TOX: variants seen among roughly 807,000 people sequenced by gnomAD.
The protein encoded by TOX is thymocyte selection associated high mobility group box.
Under a neutral mutation model 53.7 loss-of-function variants are expected in TOX, and 11 were observed. The ratio of observed to expected loss-of-function variants is 0.20; its 90% CI spans 0.13 to 0.34. The LOEUF (loss-of-function observed/expected upper bound fraction) is 0.34, where lower values mean the gene tolerates loss of function less well. TOX is among the 10% of genes least tolerant of loss of function. TOX has a pLI of 1.00. For missense variants in TOX, 570 were observed against 664.6 expected (o/e 0.86, Z 1.56); for synonymous variants, 225 against 245.3 (o/e 0.92, Z 0.77).
At chr8:59,045,118 C>G (rs1350278144) in intron 1 of TOX, among the ~76,000 whole-genome samples, 3 of 152,048 alleles carry the variant, frequency 2.0e-5, no homozygotes, top group Non-Finnish European at 4.4e-5. Flanking sequence ...TAGACTTTTT[C>G]TTCCTAGACA....
At chr8:58,933,151 T>G (rs1271987921) in intron 3 of TOX, among the ~76,000 whole-genome samples, 2 of 152,118 alleles carry the variant, frequency 1.3e-5, no homozygotes, top group Non-Finnish European at 2.9e-5. Context: ...TTCTAAAACT[T>G]TGCACGGTTT....
chr8:58,925,102 G>C (rs1283068297), intron 3 of TOX, among the ~76,000 whole-genome samples: 1 of 152,118 alleles, frequency 6.6e-6, no homozygotes, highest in Non-Finnish European at 1.5e-5. Flanking sequence ...TCACGCCACA[G>C]CTTCTATGGC....
chr8:58,956,370 C>G (rs1812707304), intron 2 of TOX, among the ~76,000 whole-genome samples: 1 of 152,094 alleles, frequency 6.6e-6, no homozygotes, highest in Non-Finnish European at 1.5e-5. Context: ...GTGGGAAGCC[C>G]AATGCCCCTC....
intron 1 of TOX, among the ~76,000 whole-genome samples, chr8:59,051,917 A>G (rs556717189): frequency 1.3e-5 from 2 of 152,320 alleles, no homozygotes; most frequent in African/African-American, 4.8e-5. Context: ...GCACATCTGA[A>G]TGATCCTAAA....
At chr8:59,080,586 A>G (rs1804389677) in intron 1 of TOX, among the ~76,000 whole-genome samples, 1 of 152,212 alleles carries the variant, frequency 6.6e-6, no homozygotes, top group African/African-American at 2.4e-5. Flanking sequence ...CCCAAATCTT[A>G]TGTTGAATTG....
intron 1 of TOX, among the ~76,000 whole-genome samples, chr8:59,105,341 T>C (rs996016750): frequency 6.6e-6 from 1 of 152,216 alleles, no homozygotes; most frequent in Non-Finnish European, 1.5e-5. Flanking sequence ...AAAAGTGAAA[T>C]GCATTCAGCT....
intron 1 of TOX, among the ~76,000 whole-genome samples, chr8:59,081,770 T>C (rs377585997): frequency 1.5e-4 from 23 of 152,102 alleles, no homozygotes; most frequent in South Asian, 4.1e-4. Context: ...GTGGATAAAA[T>C]TGAGGCAAAG....
chr8:58,818,451 G>T (rs900621992), intron 6 of TOX, among the ~76,000 whole-genome samples: 6 of 152,134 alleles, frequency 3.9e-5, no homozygotes, highest in Non-Finnish European at 8.8e-5. Flanking sequence ...CGTGGCAGGT[G>T]CTCCAATATA....
intron 1 of TOX, among the ~76,000 whole-genome samples, chr8:59,100,732 G>A (rs1804792222): frequency 6.6e-6 from 1 of 151,942 alleles, no homozygotes. Context: ...CGGATTATTT[G>A]ACTATTCTAA....
At chr8:59,107,947 C>A (rs1267962175) in intron 1 of TOX, among the ~76,000 whole-genome samples, 1 of 152,174 alleles carries the variant, frequency 6.6e-6, no homozygotes, top group African/African-American at 2.4e-5. Context: ...CTCTCCTTCC[C>A]TTTCCCCGCC....
intron 2 of TOX, among the ~76,000 whole-genome samples, chr8:58,953,565 T>C (rs1812659933): frequency 6.6e-6 from 1 of 152,174 alleles, no homozygotes; most frequent in Non-Finnish European, 1.5e-5. Flanking sequence ...AAGAGCAATT[T>C]TGTCTGTAAT....
chr8:58,998,532 TATATATAA>T (rs1163492001), intron 1 of TOX, among the ~76,000 whole-genome samples: 3 of 10,924 alleles, frequency 2.7e-4, no homozygotes, highest in Admixed American at 2.6e-3. Flanking sequence ...TATATATATA[TATATATAA>T]ATTTATATAT....
rs1390902957 is a variant in TOX, at chr8:58,806,524, C to A, written c.*1223G>T. The A allele has an allele frequency of 6.6e-6, 1 of 152,230 alleles. No individual in the cohort carries two copies. The highest frequency in any genetic ancestry group is 2.4e-5 in the African/African-American group (1 of 41,364). The allele number at this position is 152,230 out of a possible 1,614,324, so 9.4% of individuals were successfully genotyped here. On this transcript the variant is annotated 3_prime_UTR_variant, in exon 9 of 9. Coordinates refer to ENST00000361421, the MANE Select transcript of TOX (RefSeq NM_014729.3). ...CCTGTCTGTTTGTTTAGTCTTGGAG[C>A]TTGTGTGACTTGGAGGGCAATTCTG...
chr8:58,819,719 T>C (rs1317724458), intron 6 of TOX, among the ~76,000 whole-genome samples: 1 of 152,212 alleles, frequency 6.6e-6, no homozygotes, highest in Non-Finnish European at 1.5e-5. Flanking sequence ...TGGGATGATA[T>C]GTGCTATAAA....
chr8:58,858,665 G>A (rs1291790384), intron 3 of TOX, among the ~76,000 whole-genome samples: 1 of 152,224 alleles, frequency 6.6e-6, no homozygotes, highest in East Asian at 1.9e-4. Flanking sequence ...GTCAGCATTT[G>A]ACACCCTGAG....
At chr8:58,871,017 G>GT (rs1811186999) in intron 3 of TOX, among the ~76,000 whole-genome samples, 2 of 151,862 alleles carry the variant, frequency 1.3e-5, no homozygotes, top group South Asian at 4.1e-4. Flanking sequence ...TTCATAATCA[G>GT]TAAAAAAAAG....
intron 1 of TOX, among the ~76,000 whole-genome samples, chr8:59,053,814 T>C (rs564671069): frequency 4.6e-5 from 7 of 152,348 alleles, no homozygotes; most frequent in African/African-American, 7.2e-5. Flanking sequence ...AATGTTTTAA[T>C]GTCACTTTTC....
intron 1 of TOX, among the ~76,000 whole-genome samples, chr8:58,993,387 A>T (rs972255338): frequency 6.6e-6 from 1 of 152,182 alleles, no homozygotes; most frequent in African/African-American, 2.4e-5. Flanking sequence ...AATAAAGTTG[A>T]TGCTATAAAG....
chr8:58,974,329 G>A (rs1035765501), intron 1 of TOX, among the ~76,000 whole-genome samples: 2 of 152,170 alleles, frequency 1.3e-5, no homozygotes, highest in African/African-American at 4.8e-5. Flanking sequence ...TCTATGTCAT[G>A]GGTTGAGTTT....
Sources: allele counts gnomAD v4.1 joint callset (sites outside exome capture counted in the v4.1 genomes callset), GRCh38; gene constraint gnomAD v4.1.1; transcripts MANE v1.5; gene names NCBI Gene and HGNC (gene_info 2026-07-23, HGNC 2026-07-21).